STAT3: variants seen among roughly 807,000 people sequenced by gnomAD.
STAT3 encodes the protein DNA-binding protein APRF.
In STAT3, 7 loss-of-function variants were observed where a neutral mutation model predicts 114.3. The ratio of observed to expected loss-of-function variants is 0.06; its 90% CI spans 0.03 to 0.11. The LOEUF (loss-of-function observed/expected upper bound fraction) is 0.11. Among genes scored for constraint, STAT3 ranks in the 10% least tolerant of loss-of-function variants. STAT3 has a pLI of 1.00. For missense variants in STAT3, 364 were observed against 960.9 expected, an observed-to-expected ratio of 0.38 and a Z score of 8.21; for synonymous variants, 331 against 354.5, an observed-to-expected ratio of 0.93 and a Z score of 0.74.
At chr17:42,331,857 GT>G (rs1219405374) in intron 10 of STAT3, among the ~76,000 whole-genome samples, 1 of 152,132 alleles carries the variant, frequency 6.6e-6, no homozygotes, top group East Asian at 1.9e-4. Flanking sequence ...GTGCCCAGGA[GT>G]TCAAGGCTAC....
At chr17:42,325,784 G>A (rs1002369921) in intron 15 of STAT3, among the ~76,000 whole-genome samples, 1 of 151,966 alleles carries the variant, frequency 6.6e-6, no homozygotes, top group Non-Finnish European at 1.5e-5. Flanking sequence ...GGCTGGTCTC[G>A]AACTCCTGAC....
Sources: gnomAD v4.1 joint callset for allele counts (sites outside exome capture counted in the v4.1 genomes callset) on GRCh38, gnomAD v4.1.1 for gene constraint, MANE v1.5 for transcripts, NCBI Gene and HGNC (gene_info 2026-07-23, HGNC 2026-07-21) for gene names.